Variants in LRRTM4 observed in about 807,000 individuals in gnomAD.
LRRTM4 encodes leucine rich repeat transmembrane neuronal 4.
Under a neutral mutation model 47.6 loss-of-function variants are expected in LRRTM4, and 25 were observed. The ratio of observed to expected loss-of-function variants is 0.53; its 90% CI spans 0.38 to 0.73. The LOEUF (loss-of-function observed/expected upper bound fraction) is 0.73, where lower values mean the gene tolerates loss of function less well. Among genes scored for constraint, LRRTM4 ranks in the 30% least tolerant of loss-of-function variants. LRRTM4 has a pLI of 0.00. For missense variants in LRRTM4, 638 were observed against 713.4 expected, an observed-to-expected ratio of 0.89 and a Z score of 1.20; for synonymous variants, 311 against 269.5, an observed-to-expected ratio of 1.15 and a Z score of -1.51.
chr2:77,363,420 G>T (rs560833697), intron 3 of LRRTM4, among the ~76,000 whole-genome samples: 1 of 152,308 alleles, frequency 6.6e-6, no homozygotes, highest in South Asian at 2.1e-4. Context: ...TGAACTGACA[G>T]ACTCCAGCGT....
intron 3 of LRRTM4, among the ~76,000 whole-genome samples, chr2:77,038,796 C>T (rs185010004): frequency 5.7e-4 from 87 of 151,504 alleles, no homozygotes; most frequent in Admixed American, 1.5e-3. Context: ...TGGAGAGTTT[C>T]TTCTTTCTTA....
rs1015500834 is a variant in LRRTM4, at chr2:76,748,785, G to C, written c.1683C>G (p.Pro561=). 1.9e-6 allele frequency: 3 copies of C among 1,613,970 alleles called. No homozygotes were observed. The highest frequency in any genetic ancestry group is 2.5e-6 in the Non-Finnish European group (3 of 1,179,882). The change falls in exon 4 of 4, where the codon CCC becomes CCG. Residue 561 remains proline, a synonymous_variant. Coordinates refer to ENST00000409884, the MANE Select transcript of LRRTM4 (RefSeq NM_001134745.3). ...ETVSPEQDES[P]GLELGRDHSF... is the part of the protein sequence containing the mutation. ...TGTGGTCTCGGCCCAGCTCCAGGCC[G>C]GGGCTTTCGTCCTGCTCTGGAGACA... is the stretch of plus-strand genomic sequence containing the variant.
intron 3 of LRRTM4, among the ~76,000 whole-genome samples, chr2:77,473,828 T>C (rs1475776812): frequency 6.6e-6 from 1 of 152,146 alleles, no homozygotes; most frequent in East Asian, 1.9e-4. Flanking sequence ...CCTTCCATTG[T>C]GCATTTTCTC....
At chr2:76,855,067 A>G (rs1672108683) in intron 3 of LRRTM4, among the ~76,000 whole-genome samples, 1 of 152,174 alleles carries the variant, frequency 6.6e-6, no homozygotes, top group Non-Finnish European at 1.5e-5. Context: ...AAAGAGAAGA[A>G]ATGTTTCACT....
At chr2:77,255,561 A>C (rs149304720) in intron 3 of LRRTM4, among the ~76,000 whole-genome samples, 258 of 152,220 alleles carry the variant, frequency 1.7e-3, no homozygotes, top group African/African-American at 6.0e-3. Flanking sequence ...TTGAAATTTT[A>C]CAGAGCATAC....
chr2:77,208,424 G>C (rs1407031560), intron 3 of LRRTM4, among the ~76,000 whole-genome samples: 3 of 152,116 alleles, frequency 2.0e-5, no homozygotes, highest in Non-Finnish European at 4.4e-5. Flanking sequence ...TATACAAGAA[G>C]GCAGACAGGA....
intron 3 of LRRTM4, among the ~76,000 whole-genome samples, chr2:77,494,389 G>A (rs1178927688): frequency 6.6e-6 from 1 of 151,996 alleles, no homozygotes; most frequent in Non-Finnish European, 1.5e-5. Flanking sequence ...GCTGTCGGTG[G>A]TTCTTCTCCA....
At chr2:77,220,721 A>G (rs990524257) in intron 3 of LRRTM4, among the ~76,000 whole-genome samples, 1 of 152,250 alleles carries the variant, frequency 6.6e-6, no homozygotes, top group Non-Finnish European at 1.5e-5. Flanking sequence ...GACCAAAACT[A>G]CATCTGATTG....
At position 77,089,453 on chromosome 2, in the gene LRRTM4, C is replaced by T. The variant is rs143188336; in HGVS notation, c.1552-340537G>A. ...CGCCCCAACCTCGTATCTCTGTGCC[C>T]CAATCCCTTATTTCCGTGCCCCGAC... On this transcript the variant is annotated intron_variant, in intron 3 of 3. Coordinates refer to ENST00000409884, the MANE Select transcript of LRRTM4 (RefSeq NM_001134745.3). Among the ~76,000 whole-genome samples the T allele has an allele frequency of 3.3e-3, 507 of 151,820 alleles. 2 individuals are homozygous for T. Among genetic ancestry groups the T allele is most frequent in the African/African-American group, 0.012 (482 of 41,424 alleles).
chr2:77,325,800 G>A (rs925168570), intron 3 of LRRTM4, among the ~76,000 whole-genome samples: 3 of 152,066 alleles, frequency 2.0e-5, no homozygotes, highest in Non-Finnish European at 4.4e-5. Flanking sequence ...CTTTATCTAT[G>A]GTTGACTCTA....
chr2:76,996,583 G>A (rs1429675384), intron 3 of LRRTM4, among the ~76,000 whole-genome samples: 1 of 152,004 alleles, frequency 6.6e-6, no homozygotes, highest in Non-Finnish European at 1.5e-5. Flanking sequence ...CTATAAAGCT[G>A]CACTAATTCT....
At chr2:77,073,315 T>C (rs747526050) in intron 3 of LRRTM4, among the ~76,000 whole-genome samples, 3 of 152,146 alleles carry the variant, frequency 2.0e-5, no homozygotes, top group Non-Finnish European at 4.4e-5. Context: ...AAAAAATTAG[T>C]AAAATAGGCC....
At chr2:77,355,045 G>T (rs1671919519) in intron 3 of LRRTM4, among the ~76,000 whole-genome samples, 1 of 152,054 alleles carries the variant, frequency 6.6e-6, no homozygotes, top group South Asian at 2.1e-4. Context: ...ATGTACTATT[G>T]AATATGAGAA....
intron 3 of LRRTM4, among the ~76,000 whole-genome samples, chr2:76,794,250 T>C (rs1675135684): frequency 1.3e-5 from 2 of 152,316 alleles, no homozygotes; most frequent in South Asian, 4.1e-4. Flanking sequence ...GATTGTTTCT[T>C]ATACTCAGAA....
chr2:76,807,133 C>A (rs912700670), intron 3 of LRRTM4, among the ~76,000 whole-genome samples: 5 of 151,952 alleles, frequency 3.3e-5, no homozygotes, highest in African/African-American at 1.2e-4. Flanking sequence ...GAACTAAATA[C>A]CCTACTTAGT....
chr2:77,138,971 G>A (rs948603583), intron 3 of LRRTM4, among the ~76,000 whole-genome samples: 1 of 152,090 alleles, frequency 6.6e-6, no homozygotes, highest in Non-Finnish European at 1.5e-5. Flanking sequence ...TGAAATTGAG[G>A]CAATAATTAA....
intron 3 of LRRTM4, among the ~76,000 whole-genome samples, chr2:76,912,392 C>A (rs1235460515): frequency 6.6e-6 from 1 of 152,254 alleles, no homozygotes; most frequent in African/African-American, 2.4e-5. Context: ...TTTTCAGTTA[C>A]ATTTCTTACA....
intron 3 of LRRTM4, among the ~76,000 whole-genome samples, chr2:77,012,036 A>G (rs1223001833): frequency 1.3e-5 from 2 of 152,146 alleles, no homozygotes. Flanking sequence ...ACTTTAGAGC[A>G]TAAAAATATG....
chr2:77,392,536 A>G (rs1673544661), intron 3 of LRRTM4, among the ~76,000 whole-genome samples: 1 of 152,114 alleles, frequency 6.6e-6, no homozygotes, highest in African/African-American at 2.4e-5. Context: ...GCCTTACAAA[A>G]GAAGCCAGAC....
Sources: allele counts gnomAD v4.1 joint callset (sites outside exome capture counted in the v4.1 genomes callset), GRCh38; gene constraint gnomAD v4.1.1; transcripts MANE v1.5; gene names NCBI Gene and HGNC (gene_info 2026-07-23, HGNC 2026-07-21).